The following CDH18 variants were observed in gnomAD, a reference collection of about 807,000 sequenced individuals.
The protein encoded by CDH18 is cadherin-18.
Under a neutral mutation model 67.9 loss-of-function variants are expected in CDH18, and 31 were observed. That is an observed-to-expected ratio of 0.46 (90% CI 0.34 to 0.62). The LOEUF (loss-of-function observed/expected upper bound fraction) is 0.62, where lower values mean the gene tolerates loss of function less well. Among genes scored for constraint, CDH18 ranks in the 20% least tolerant of loss-of-function variants. CDH18 has a pLI of 0.01. For missense variants in CDH18, 890 were observed against 975.5 expected (o/e 0.91, Z 1.17); for synonymous variants, 362 against 347.2 (o/e 1.04, Z -0.48).
chr5:19,752,372 G>C (rs1221852311), intron 3 of CDH18, among the ~76,000 whole-genome samples: 3 of 152,056 alleles, frequency 2.0e-5, no homozygotes, highest in Non-Finnish European at 2.9e-5. Context: ...CCTTTGGATT[G>C]TGTGGGAGCT....
chr5:19,958,354 C>A, intron 2 of CDH18, among the ~76,000 whole-genome samples: 1 of 104,516 alleles, frequency 9.6e-6, no homozygotes, highest in Non-Finnish European at 1.9e-5. Context: ...GATAAAGAAA[C>A]TCAATAGGAT....
intron 5 of CDH18, among the ~76,000 whole-genome samples, chr5:19,667,640 T>G (rs1012147962): frequency 6.0e-5 from 7 of 116,362 alleles, no homozygotes; most frequent in Non-Finnish European, 1.2e-4. Context: ...ATATATATTA[T>G]TTGCCAATTT....
intron 2 of CDH18, among the ~76,000 whole-genome samples, chr5:20,221,718 A>T (rs1266708614): frequency 6.6e-6 from 1 of 152,138 alleles, no homozygotes; most frequent in Non-Finnish European, 1.5e-5. Context: ...GTATCAAAGT[A>T]TCTCATGTAT....
At chr5:19,993,908 G>A (rs1301453352) in intron 2 of CDH18, among the ~76,000 whole-genome samples, 3 of 152,068 alleles carry the variant, frequency 2.0e-5, no homozygotes, top group African/African-American at 7.2e-5. Flanking sequence ...TCCAGATACT[G>A]TGCCCTTAAT....
intron 2 of CDH18, among the ~76,000 whole-genome samples, chr5:19,863,553 C>T (rs994069905): frequency 3.9e-5 from 6 of 152,188 alleles, no homozygotes; most frequent in African/African-American, 1.2e-4. Context: ...CATCCTCCTC[C>T]CCATGACACC....
chr5:20,456,851 A>G (rs190559947), intron 1 of CDH18, among the ~76,000 whole-genome samples: 299 of 152,306 alleles, frequency 2.0e-3, no homozygotes, highest in Non-Finnish European at 3.5e-3. Context: ...AGTGAAGGAA[A>G]TGCTGCTACT....
intron 3 of CDH18, among the ~76,000 whole-genome samples, chr5:19,818,216 C>T (rs578095639): frequency 2.6e-5 from 4 of 152,154 alleles, no homozygotes; most frequent in Non-Finnish European, 5.9e-5. Flanking sequence ...ATTAAAGAGA[C>T]TTAACAATTG....
At chr5:20,222,063 G>A (rs1031748449) in intron 2 of CDH18, among the ~76,000 whole-genome samples, 2 of 151,938 alleles carry the variant, frequency 1.3e-5, no homozygotes, top group African/African-American at 4.8e-5. Flanking sequence ...GGACCACCTT[G>A]GTTTAGAGAG....
intron 2 of CDH18, among the ~76,000 whole-genome samples, chr5:19,950,602 T>G (rs976523387): frequency 1.3e-5 from 2 of 152,134 alleles, no homozygotes; most frequent in African/African-American, 4.8e-5. Context: ...TAACTAAAAT[T>G]GAGAAAATAT....
chr5:19,612,681 G>T, intron 5 of CDH18, 80 bp from the exon 6 acceptor site: 2 of 1,059,036 alleles, frequency 1.9e-6, no homozygotes, highest in South Asian at 3.0e-5. Flanking sequence ...CATATTTTAA[G>T]AAATGTCTTT....
intron 2 of CDH18, among the ~76,000 whole-genome samples, chr5:20,017,930 T>C (rs569259056): frequency 6.6e-6 from 1 of 152,262 alleles, no homozygotes; most frequent in Non-Finnish European, 1.5e-5. Flanking sequence ...ACTGTATGAG[T>C]TCCATATTCT....
chr5:19,764,398 T>C (rs531137568), intron 3 of CDH18, among the ~76,000 whole-genome samples: 68 of 152,128 alleles, frequency 4.5e-4, no homozygotes, highest in Non-Finnish European at 5.9e-4. Flanking sequence ...CAAAATACGA[T>C]ATAATGTACA....
rs190214128 is a variant in CDH18, at chr5:20,511,488, A to G, written c.-580+63974T>C. Among the ~76,000 whole-genome samples, 366 of 152,282 alleles carry G rather than the reference A, an allele frequency of 2.4e-3. 3 individuals carry two copies. The highest frequency in any genetic ancestry group is 8.2e-3 in the African/African-American group (342 of 41,570). ...GAGAAAAAAAAGTGTTTCATAATAT[A>G]TATATTCTAATAGAGGCATAGGCAA... On this transcript the variant is annotated intron_variant, in intron 1 of 14. Coordinates refer to the CDH18 transcript ENST00000507958.
At chr5:19,531,167 G>GA (rs1306113253) in intron 9 of CDH18, among the ~76,000 whole-genome samples, 1 of 152,044 alleles carries the variant, frequency 6.6e-6, no homozygotes, top group Non-Finnish European at 1.5e-5. Flanking sequence ...CGTTCATTAA[G>GA]AAAATGAAAA....
intron 1 of CDH18, among the ~76,000 whole-genome samples, chr5:20,570,982 C>G (rs115105512): frequency 0.013 from 1,954 of 152,222 alleles, 42 homozygotes; most frequent in African/African-American, 0.045. Flanking sequence ...CATATACTTT[C>G]TAATTATTAA....
At chr5:19,647,202 G>A (rs1392006937) in intron 5 of CDH18, among the ~76,000 whole-genome samples, 2 of 151,862 alleles carry the variant, frequency 1.3e-5, no homozygotes, top group Non-Finnish European at 2.9e-5. Flanking sequence ...ATCCCTTCTG[G>A]TATTAGAAAA....
chr5:20,507,622 G>A (rs1442314569), intron 1 of CDH18, among the ~76,000 whole-genome samples: 2 of 152,084 alleles, frequency 1.3e-5, no homozygotes, highest in Non-Finnish European at 2.9e-5. Context: ...AGGAAAATAA[G>A]ATACTGAACA....
At chr5:19,846,549 C>T (rs1272027463) in intron 2 of CDH18, among the ~76,000 whole-genome samples, 2 of 152,010 alleles carry the variant, frequency 1.3e-5, no homozygotes, top group African/African-American at 2.4e-5. Context: ...TATTAGTGGA[C>T]GTTTTTCAGC....
At chr5:19,516,903 T>C (rs1038730158) in intron 10 of CDH18, among the ~76,000 whole-genome samples, 3 of 152,126 alleles carry the variant, frequency 2.0e-5, no homozygotes, top group Admixed American at 1.3e-4. Flanking sequence ...CTTTGTTGGT[T>C]CCAGTCTGGG....
Sources: allele counts gnomAD v4.1 joint callset (sites outside exome capture counted in the v4.1 genomes callset), GRCh38; gene constraint gnomAD v4.1.1; transcripts MANE v1.5; gene names NCBI Gene and HGNC (gene_info 2026-07-23, HGNC 2026-07-21).